The following DPY19L1 variants were observed in gnomAD, a reference collection of about 807,000 sequenced individuals.
The protein encoded by DPY19L1 is protein C-mannosyl-transferase DPY19L1.
A neutral mutation model predicts 96.9 loss-of-function variants in DPY19L1; 35 were observed. The observed-to-expected ratio is 0.36, with a 90% CI of 0.28 to 0.48. The LOEUF (loss-of-function observed/expected upper bound fraction) is 0.48, where lower values mean the gene tolerates loss of function less well. DPY19L1 is among the 20% of genes least tolerant of loss of function. The pLI is 0.99. For missense variants in DPY19L1, 521 were observed against 777.9 expected (o/e 0.67, Z 3.93); for synonymous variants, 205 against 252.6 (o/e 0.81, Z 1.79).
At chr7:34,960,144 G>A (rs1390860852) in intron 10 of DPY19L1, among the ~76,000 whole-genome samples, 1 of 151,186 alleles carries the variant, frequency 6.6e-6, no homozygotes, top group Non-Finnish European at 1.5e-5. Context: ...TATTCTAGAA[G>A]TTTTATTTTT....
intron 1 of DPY19L1, among the ~76,000 whole-genome samples, chr7:35,022,225 G>A (rs954678645): frequency 5.3e-5 from 8 of 151,728 alleles, no homozygotes; most frequent in African/African-American, 1.9e-4. Context: ...ACATTCTAAG[G>A]AACCAAGATA....
intron 21 of DPY19L1, among the ~76,000 whole-genome samples, chr7:34,932,053 G>GGTCT (rs1439235530): frequency 6.6e-6 from 1 of 152,090 alleles, no homozygotes; most frequent in African/African-American, 2.4e-5. Flanking sequence ...AGCTTCCCTT[G>GGTCT]GTCTTAGTTT....
intron 9 of DPY19L1, 96 bp downstream of exon 9, chr7:34,969,337 T>C (rs1281227810): frequency 2.0e-5 from 12 of 607,432 alleles, no homozygotes; most frequent in Non-Finnish European, 3.1e-5. Context: ...TTTTAGGACT[T>C]AGAACCATAG....
intron 6 of DPY19L1, among the ~76,000 whole-genome samples, chr7:34,993,609 C>A (rs1467948053): frequency 6.8e-6 from 1 of 146,778 alleles, no homozygotes; most frequent in African/African-American, 2.5e-5. Context: ...CCCAACCCTG[C>A]CCCCCCACCC....
intron 8 of DPY19L1, among the ~76,000 whole-genome samples, chr7:34,972,760 G>T (rs1340920346): frequency 1.3e-5 from 2 of 152,166 alleles, no homozygotes; most frequent in Admixed American, 6.5e-5. Flanking sequence ...GAGTTTAGGG[G>T]ACAGCAATAA....
intron 9 of DPY19L1, 110 bp downstream of exon 9, chr7:34,969,323 A>G (rs925380713): frequency 1.2e-5 from 6 of 509,114 alleles, no homozygotes; most frequent in African/African-American, 5.9e-5. Context: ...AAAATGTTTT[A>G]GTGTTTTAGG....
At chr7:34,950,033 G>T in intron 13 of DPY19L1, 135 bp from the exon 14 acceptor site, 1 of 494,472 alleles carries the variant, frequency 2.0e-6, no homozygotes, top group Non-Finnish European at 3.5e-6. Context: ...TTTTGTTAAA[G>T]AAGGAAATGC....
intron 11 of DPY19L1, among the ~76,000 whole-genome samples, chr7:34,956,507 G>GTT (rs201489115): frequency 2.0e-5 from 3 of 149,812 alleles, no homozygotes; most frequent in Non-Finnish European, 3.0e-5. Context: ...TGAGAAATGG[G>GTT]TATTTTTTTT....
intron 13 of DPY19L1, among the ~76,000 whole-genome samples, chr7:34,953,974 A>C (rs984900121): frequency 5.9e-5 from 9 of 152,268 alleles, no homozygotes; most frequent in African/African-American, 2.2e-4. Flanking sequence ...CAGTTTCAAA[A>C]CCATAGCATT....
At chr7:34,978,233 C>G (rs1234268690) in intron 7 of DPY19L1, among the ~76,000 whole-genome samples, 3 of 151,942 alleles carry the variant, frequency 2.0e-5, no homozygotes, top group Non-Finnish European at 2.9e-5. Flanking sequence ...AGATTTATTC[C>G]AAGAGTTTTT....
chr7:35,002,795 G>C (rs916815996), intron 6 of DPY19L1, among the ~76,000 whole-genome samples: 4 of 152,224 alleles, frequency 2.6e-5, no homozygotes, highest in Non-Finnish European at 4.4e-5. Flanking sequence ...TTGAGACGGA[G>C]TCTTGCTCTG....
chr7:35,010,274 T>C (rs1440902224), intron 6 of DPY19L1, among the ~76,000 whole-genome samples, 194 bp downstream of exon 6: 1 of 152,148 alleles, frequency 6.6e-6, no homozygotes, highest in Admixed American at 6.6e-5. Context: ...CAATTCTATT[T>C]ACATCTCTAA....
chr7:34,996,953 A>G (rs4133683), intron 6 of DPY19L1, among the ~76,000 whole-genome samples: 11 of 152,312 alleles, frequency 7.2e-5, no homozygotes, highest in East Asian at 1.9e-4. Context: ...TCATCCCAGG[A>G]GGATGGGCTG....
chr7:34,937,051 A>C (rs1472379666), intron 21 of DPY19L1, among the ~76,000 whole-genome samples: 1 of 152,244 alleles, frequency 6.6e-6, no homozygotes, highest in Non-Finnish European at 1.5e-5. Flanking sequence ...CATGAAGTGA[A>C]TGTTTTGGTA....
chr7:34,982,783 C>T (rs1380833413), intron 7 of DPY19L1, among the ~76,000 whole-genome samples: 3 of 152,206 alleles, frequency 2.0e-5, no homozygotes, highest in Non-Finnish European at 4.4e-5. Context: ...CTGGGACACA[C>T]ACAGACATAC....
At chr7:34,969,028 G>C (rs187968735) in intron 9 of DPY19L1, among the ~76,000 whole-genome samples, 30 of 152,062 alleles carry the variant, frequency 2.0e-4, no homozygotes, top group Admixed American at 4.6e-4. Context: ...TATTCTACAT[G>C]CAAGAATGTA....
At chr7:34,967,834 G>C (rs1462897505) in intron 9 of DPY19L1, among the ~76,000 whole-genome samples, 6 of 152,280 alleles carry the variant, frequency 3.9e-5, no homozygotes, top group Non-Finnish European at 8.8e-5. Flanking sequence ...TTTTCCATTA[G>C]TGAGAAAAAC....
intron 8 of DPY19L1, among the ~76,000 whole-genome samples, chr7:34,970,704 A>T (rs1262151376): frequency 6.6e-6 from 1 of 152,178 alleles, no homozygotes; most frequent in Non-Finnish European, 1.5e-5. Flanking sequence ...TCCAAGCAGA[A>T]TTTAATACCA....
intron 6 of DPY19L1, among the ~76,000 whole-genome samples, chr7:35,003,067 G>C (rs184203222): frequency 6.6e-6 from 1 of 152,134 alleles, no homozygotes; most frequent in Non-Finnish European, 1.5e-5. Flanking sequence ...ACCGTGCCCG[G>C]CCAGCAACCA....
Sources: allele counts gnomAD v4.1 joint callset (sites outside exome capture counted in the v4.1 genomes callset), GRCh38; gene constraint gnomAD v4.1.1; transcripts MANE v1.5; gene names NCBI Gene and HGNC (gene_info 2026-07-23, HGNC 2026-07-21).